EYA2: variants seen among roughly 807,000 people sequenced by gnomAD.
EYA2 encodes EYA transcriptional coactivator and phosphatase 2.
A neutral mutation model predicts 69.2 loss-of-function variants in EYA2; 31 were observed. The observed-to-expected ratio is 0.45, with a 90% CI of 0.34 to 0.60. The LOEUF is 0.60. Ranked by LOEUF, EYA2 falls within the 20% of genes least tolerant of loss-of-function variation. The pLI, the probability that EYA2 is intolerant of heterozygous loss-of-function variation, is 0.02. For missense variants in EYA2, 622 were observed against 701.2 expected (o/e 0.89, Z 1.28); for synonymous variants, 257 against 279.4 (o/e 0.92, Z 0.80).
At chr20:47,049,761 G>T (rs1161253075) in intron 5 of EYA2, among the ~76,000 whole-genome samples, 1 of 151,850 alleles carries the variant, frequency 6.6e-6, no homozygotes, top group Non-Finnish European at 1.5e-5. Flanking sequence ...AAATTACCCA[G>T]CTTCAGGTGT....
intron 11 of EYA2, among the ~76,000 whole-genome samples, chr20:47,172,237 C>T (rs2034336198): frequency 1.3e-5 from 2 of 152,064 alleles, no homozygotes. Context: ...AGTTCAAGAA[C>T]AGCCCAGGCA....
intron 4 of EYA2, among the ~76,000 whole-genome samples, chr20:47,010,118 C>T (rs2146359926): frequency 1.3e-5 from 2 of 152,314 alleles, no homozygotes; most frequent in South Asian, 2.1e-4. Context: ...GTGCATTTCT[C>T]AGGGGTGGAA....
At chr20:47,072,530 G>C (rs971571607) in intron 6 of EYA2, among the ~76,000 whole-genome samples, 1 of 152,134 alleles carries the variant, frequency 6.6e-6, no homozygotes, top group Non-Finnish European at 1.5e-5. Flanking sequence ...CCCATTGACT[G>C]TTGAATCTGA....
At chr20:47,156,885 G>T (rs1486683466) in intron 10 of EYA2, among the ~76,000 whole-genome samples, 1 of 151,820 alleles carries the variant, frequency 6.6e-6, no homozygotes, top group Non-Finnish European at 1.5e-5. Flanking sequence ...TTTTTCTAAC[G>T]CAAATTTGTC....
chr20:46,945,479 C>T (rs1317217233), intron 1 of EYA2, among the ~76,000 whole-genome samples: 1 of 152,222 alleles, frequency 6.6e-6, no homozygotes, highest in Admixed American at 6.5e-5. Flanking sequence ...TTGCTGGCCG[C>T]CTATGGAGTT....
intron 1 of EYA2, among the ~76,000 whole-genome samples, chr20:46,937,007 A>G (rs1985939014): frequency 6.6e-6 from 1 of 152,218 alleles, no homozygotes; most frequent in Non-Finnish European, 1.5e-5. Flanking sequence ...GCCCCAGCTA[A>G]GTGCCGGCCA....
intron 1 of EYA2, among the ~76,000 whole-genome samples, chr20:46,907,872 C>T (rs1984441632): frequency 7.1e-6 from 1 of 141,360 alleles, no homozygotes; most frequent in African/African-American, 2.5e-5. Flanking sequence ...ACAAAGTGTG[C>T]CTGGAGCGAC....
At chr20:47,038,927 A>C (rs1984875043) in intron 5 of EYA2, among the ~76,000 whole-genome samples, 1 of 152,168 alleles carries the variant, frequency 6.6e-6, no homozygotes, top group African/African-American at 2.4e-5. Context: ...AAACAAAAAA[A>C]CATTGATCTT....
rs144764015 is a variant in EYA2 at position 47,094,370 on chromosome 20, G to A, written c.805-2715G>A. 5.5e-3 allele frequency among the ~76,000 whole-genome samples: 831 copies of A among 152,248 alleles called. 7 individuals carry two copies. The highest frequency in any genetic ancestry group is 0.019 in the African/African-American group (792 of 41,536). On this transcript the variant is annotated intron_variant, in intron 8 of 15. Coordinates refer to ENST00000327619, the MANE Select transcript of EYA2 (RefSeq NM_005244.5). The stretch of plus-strand genomic sequence containing the variant: ...TTTTCAAACATTTTTACCATGACCC[G>A]TAATAAGAAATATACTTACTATGAT...
At chr20:46,946,045 T>C (rs1779263584) in intron 1 of EYA2, among the ~76,000 whole-genome samples, 1 of 152,172 alleles carries the variant, frequency 6.6e-6, no homozygotes, top group Non-Finnish European at 1.5e-5. Flanking sequence ...TGAGAATAAG[T>C]ACTGACCTCA....
At chr20:47,004,587 C>T (rs566681502) in intron 3 of EYA2, among the ~76,000 whole-genome samples, 1 of 152,184 alleles carries the variant, frequency 6.6e-6, no homozygotes, top group Non-Finnish European at 1.5e-5. Context: ...CGTATCATGG[C>T]TCTGTCATCT....
chr20:47,120,813 A>AT (rs5841675), intron 9 of EYA2, among the ~76,000 whole-genome samples: 66,034 of 151,908 alleles, frequency 0.43, 15,868 homozygotes, highest in East Asian at 0.68. Flanking sequence ...AAAGATGAAT[A>AT]TTTTTTACTT....
In EYA2 at chr20:47,042,784, C is replaced by A. The variant is rs540074417; in HGVS notation, c.415+26487C>A. On this transcript the variant is annotated intron_variant, in intron 5 of 15. Transcript: ENST00000327619. ...TCATGGTCACAAGACAGCTGCTTCA[C>A]CTCCAGCCGTCACCTCCACATTACA... Among the ~76,000 whole-genome samples the A allele has an allele frequency of 1.2e-4, 18 of 152,296 alleles. No homozygotes were observed. In the South Asian group the frequency reaches 3.7e-3, roughly 32 times the overall value.
intron 9 of EYA2, among the ~76,000 whole-genome samples, chr20:47,130,556 C>A (rs746444778): frequency 1.3e-5 from 2 of 151,856 alleles, no homozygotes; most frequent in African/African-American, 2.4e-5. Context: ...TGAGCCACCG[C>A]GCCCGGCCGA....
intron 5 of EYA2, among the ~76,000 whole-genome samples, chr20:47,055,407 A>C (rs1433259907): frequency 6.6e-6 from 1 of 152,202 alleles, no homozygotes; most frequent in Non-Finnish European, 1.5e-5. Flanking sequence ...GTGAAGGCAG[A>C]TGGTCTGTCC....
chr20:47,072,506 C>G (rs1460566028), intron 6 of EYA2, among the ~76,000 whole-genome samples: 2 of 152,120 alleles, frequency 1.3e-5, no homozygotes, highest in Non-Finnish European at 2.9e-5. Context: ...CCATCTTGAC[C>G]TGGACTCAGG....
chr20:46,970,687 C>T (rs947155624), intron 1 of EYA2, among the ~76,000 whole-genome samples: 10 of 152,196 alleles, frequency 6.6e-5, no homozygotes, highest in Admixed American at 5.2e-4. Context: ...ACTATGCAGA[C>T]ATTGAAGAAG....
At chr20:47,178,712 G>A (rs2034470992) in intron 12 of EYA2, among the ~76,000 whole-genome samples, 1 of 149,176 alleles carries the variant, frequency 6.7e-6, no homozygotes, top group Non-Finnish European at 1.5e-5. Flanking sequence ...ACAATATCAA[G>A]CACCTAGAAG....
At chr20:47,029,237 G>A (rs182302735) in intron 5 of EYA2, among the ~76,000 whole-genome samples, 1 of 152,338 alleles carries the variant, frequency 6.6e-6, no homozygotes, top group East Asian at 1.9e-4. Context: ...TCCTGTCTCA[G>A]CCACATCAGC....
Sources: allele counts gnomAD v4.1 joint callset (sites outside exome capture counted in the v4.1 genomes callset), GRCh38; gene constraint gnomAD v4.1.1; transcripts MANE v1.5; gene names NCBI Gene and HGNC (gene_info 2026-07-23, HGNC 2026-07-21).